Variants in CDH18 observed in about 807,000 individuals in gnomAD.
The protein encoded by CDH18 is cadherin 18.
In CDH18, 31 loss-of-function variants were observed where a neutral mutation model predicts 67.9. That is an observed-to-expected ratio of 0.46 (90% CI 0.34 to 0.62). The LOEUF is 0.62. Among genes scored for constraint, CDH18 ranks in the 20% least tolerant of loss-of-function variants. The pLI is 0.01. For synonymous variants in CDH18, 362 were observed against 347.2 expected, an observed-to-expected ratio of 1.04 and a Z score of -0.48; for missense variants, 890 against 975.5, an observed-to-expected ratio of 0.91 and a Z score of 1.17.
At chr5:19,915,756 T>A (rs982173434) in intron 2 of CDH18, among the ~76,000 whole-genome samples, 3 of 152,056 alleles carry the variant, frequency 2.0e-5, no homozygotes, top group Non-Finnish European at 4.4e-5. Context: ...ATAGGTGTTT[T>A]TTTTTTCTTT....
chr5:19,736,613 T>C (rs1436053921), intron 4 of CDH18, among the ~76,000 whole-genome samples: 1 of 152,202 alleles, frequency 6.6e-6, no homozygotes, highest in Non-Finnish European at 1.5e-5. Context: ...TTTTTGTGTG[T>C]GTTTGTTTTC....
chr5:20,351,342 C>G (rs990881603), intron 1 of CDH18, among the ~76,000 whole-genome samples: 1 of 150,822 alleles, frequency 6.6e-6, no homozygotes, highest in Non-Finnish European at 1.5e-5. Context: ...AATAAATTAA[C>G]GAACACATAT....
chr5:20,441,029 G>T (rs1047574858), intron 1 of CDH18, among the ~76,000 whole-genome samples: 67 of 151,924 alleles, frequency 4.4e-4, no homozygotes, highest in Admixed American at 4.3e-3. Context: ...GGAAAGTCAG[G>T]AAGGGCCTAT....
At chr5:20,114,977 C>A (rs976679556) in intron 2 of CDH18, among the ~76,000 whole-genome samples, 2 of 152,066 alleles carry the variant, frequency 1.3e-5, no homozygotes, top group African/African-American at 2.4e-5. Flanking sequence ...GTTATAGAAT[C>A]TAAGGAATGA....
At position 19,483,489 on chromosome 5, in the gene CDH18, T is replaced by A. The variant is rs372068740; in HGVS notation, c.1694A>T (p.Tyr565Phe). 1 of 1,614,130 alleles carries A rather than the reference T, an allele frequency of 6.2e-7. No homozygotes were observed. Residue 565 changes from tyrosine to phenylalanine, a missense_variant, in exon 12 of 13, where the codon TAT becomes TTT. Transcript: ENST00000382275. ...ACCATCAGAGATCATAATGGGCAGA[T>A]AATACACATCCTGAACAGTTCGACT... ...RFSRTVQDVY[Y>F]LPIMISDGGI...
chr5:20,479,079 T>C (rs112061765), intron 1 of CDH18, among the ~76,000 whole-genome samples: 4,610 of 152,250 alleles, frequency 0.03, 82 homozygotes, highest in Non-Finnish European at 0.043. Flanking sequence ...ATGGCTGCAT[T>C]GACCAAAAAC....
intron 5 of CDH18, among the ~76,000 whole-genome samples, chr5:19,686,495 T>C (rs997526771): frequency 6.6e-6 from 1 of 152,142 alleles, no homozygotes; most frequent in Non-Finnish European, 1.5e-5. Flanking sequence ...TCATTACACA[T>C]GCAATGAGAT....
chr5:20,000,819 G>A (rs13175693), intron 2 of CDH18, among the ~76,000 whole-genome samples: 15 of 151,928 alleles, frequency 9.9e-5, no homozygotes, highest in Admixed American at 7.9e-4. Context: ...AAATAGAGGA[G>A]AGAAAAGAAG....
rs149368055 is a variant in CDH18 at position 20,442,555 on chromosome 5, G to A, written c.-580+132907C>T. ...CCTGAGAGGCTCAATTATGTAGAAAGGCAAGTTATGTCATAAAAGTAACAG... is the reference window on the plus strand; with the variant it reads ...CCTGAGAGGCTCAATTATGTAGAAAAGCAAGTTATGTCATAAAAGTAACAG... On this transcript the variant is annotated intron_variant, in intron 1 of 14. Transcript: ENST00000507958. Among the ~76,000 whole-genome samples, 284 of 151,924 alleles carry A rather than the reference G, an allele frequency of 1.9e-3. 5 individuals are homozygous for A. The highest frequency in any genetic ancestry group is 6.7e-3 in the African/African-American group (276 of 41,250).
At chr5:19,685,796 A>G (rs1370979391) in intron 5 of CDH18, among the ~76,000 whole-genome samples, 1 of 152,184 alleles carries the variant, frequency 6.6e-6, no homozygotes, top group African/African-American at 2.4e-5. Flanking sequence ...CTTTTTGAAG[A>G]GAGAGAGTCT....
chr5:19,788,193 G>T (rs887884654), intron 3 of CDH18, among the ~76,000 whole-genome samples: 2 of 152,138 alleles, frequency 1.3e-5, no homozygotes, highest in Non-Finnish European at 2.9e-5. Context: ...AAGGTGCTGA[G>T]AACTGGTAAT....
chr5:19,473,351 T>G lies in CDH18; in HGVS notation c.2248A>C (p.Ile750Leu), dbSNP rs757108674. The change falls in exon 13 of 13, where the codon ATC becomes CTC. Residue 750 changes from isoleucine (I) to leucine (L), a missense_variant. Coordinates refer to ENST00000382275, the MANE Select transcript of CDH18 (RefSeq NM_004934.5). ...YEGQRSEAGSISSLDSATTQS... is the reference protein window; with the variant it reads ...YEGQRSEAGSLSSLDSATTQS... ...GTCGTTGCTGAATCCAGCGAGCTGA[T>G]AGACCCAGCTTCTGATCTCTGACCC... The G allele has an allele frequency of 2.5e-6, 4 of 1,613,940 alleles. No homozygotes were observed. The highest frequency in any genetic ancestry group is 3.4e-6 in the Non-Finnish European group (4 of 1,179,908).
intron 6 of CDH18, among the ~76,000 whole-genome samples, chr5:19,595,909 CT>C (rs1298236259): frequency 6.6e-6 from 1 of 152,176 alleles, no homozygotes; most frequent in African/African-American, 2.4e-5. Flanking sequence ...ACACCCTCTT[CT>C]TTTAAACAAA....
At chr5:19,770,512 T>C (rs956559319) in intron 3 of CDH18, among the ~76,000 whole-genome samples, 29 of 152,158 alleles carry the variant, frequency 1.9e-4, no homozygotes, top group Non-Finnish European at 2.9e-4. Context: ...ACAATATAAT[T>C]TAACAGAAAC....
At chr5:20,063,120 TA>T (rs962013133) in intron 2 of CDH18, among the ~76,000 whole-genome samples, 23 of 151,528 alleles carry the variant, frequency 1.5e-4, no homozygotes, top group African/African-American at 5.3e-4. Context: ...TGTTTTGGCC[TA>T]TTTTTCAACA....
At chr5:20,020,872 C>T (rs774337639) in intron 2 of CDH18, among the ~76,000 whole-genome samples, 2 of 152,238 alleles carry the variant, frequency 1.3e-5, no homozygotes, top group South Asian at 4.1e-4. Context: ...CCACCATCAT[C>T]CAGGCCTCAG....
At chr5:19,529,045 C>T (rs1453250614) in intron 9 of CDH18, among the ~76,000 whole-genome samples, 2 of 151,348 alleles carry the variant, frequency 1.3e-5, no homozygotes, top group East Asian at 1.9e-4. Context: ...CACAAAGGAT[C>T]GTAAAATGGA....
intron 1 of CDH18, among the ~76,000 whole-genome samples, chr5:20,291,142 A>G (rs1747074084): frequency 2.6e-5 from 4 of 152,180 alleles, no homozygotes; most frequent in Admixed American, 2.0e-4. Flanking sequence ...TTGAGTGAAG[A>G]TACATTTAGG....
intron 1 of CDH18, among the ~76,000 whole-genome samples, chr5:20,414,871 CT>C (rs1562047023): frequency 6.6e-6 from 1 of 152,092 alleles, no homozygotes; most frequent in Non-Finnish European, 1.5e-5. Context: ...AATTGGAACC[CT>C]TGTGCACTCT....
Sources: gnomAD v4.1 joint callset for allele counts (sites outside exome capture counted in the v4.1 genomes callset) on GRCh38, gnomAD v4.1.1 for gene constraint, MANE v1.5 for transcripts, NCBI Gene and HGNC (gene_info 2026-07-23, HGNC 2026-07-21) for gene names.